Variants in NCOA2 observed in about 807,000 individuals in gnomAD.
The protein encoded by NCOA2 is nuclear receptor coactivator 2.
A neutral mutation model predicts 145.1 loss-of-function variants in NCOA2; 21 were observed. That is an observed-to-expected ratio of 0.14 (90% confidence interval 0.10 to 0.21). The LOEUF (loss-of-function observed/expected upper bound fraction) is 0.21, where lower values mean the gene tolerates loss of function less well. Ranked by LOEUF, NCOA2 falls within the 10% of genes least tolerant of loss-of-function variation. The probability of loss-of-function intolerance (pLI) is 1.00; values close to 1 mark genes in which losing one functional copy is unlikely to be tolerated. For synonymous variants in NCOA2, 619 were observed against 637.5 expected (o/e 0.97, Z 0.44); for missense variants, 1,472 against 1,837.6 (o/e 0.80, Z 3.64).
At chr8:70,255,212 T>C (rs996614809) in intron 2 of NCOA2, among the ~76,000 whole-genome samples, 13 of 152,182 alleles carry the variant, frequency 8.5e-5, no homozygotes, top group South Asian at 6.2e-4. Context: ...CAACCACCTG[T>C]TGTGTGCCCA....
intron 1 of NCOA2, among the ~76,000 whole-genome samples, chr8:70,353,173 CACCAT>C (rs1809391595): frequency 6.6e-6 from 1 of 151,900 alleles, no homozygotes. Flanking sequence ...GACAGTCTAT[CACCAT>C]TAAAGAAACC....
intron 4 of NCOA2, among the ~76,000 whole-genome samples, chr8:70,194,242 G>C (rs1817012925): frequency 6.6e-6 from 1 of 152,130 alleles, no homozygotes; most frequent in Non-Finnish European, 1.5e-5. Flanking sequence ...TTTCTAGGTG[G>C]AAGTTCAGAT....
chr8:70,203,222 C>A (rs1254892907), intron 4 of NCOA2, among the ~76,000 whole-genome samples: 1 of 143,188 alleles, frequency 7.0e-6, no homozygotes, highest in African/African-American at 2.6e-5. Flanking sequence ...GAGATCGCAC[C>A]ACTGCACTCC....
At position 70,113,332 on chromosome 8, in the gene NCOA2, T is replaced by A; in HGVS notation, c.*300A>T. 4.0e-6 allele frequency: 2 copies of A among 496,224 alleles called. No homozygotes were observed. 30.7% of individuals were successfully genotyped at this position (496,224 alleles called of 1,614,324 possible). A position where few individuals can be genotyped will look rare whatever the true frequency, so the allele number is the denominator to read the frequency against. On this transcript the variant is annotated 3_prime_UTR_variant, in exon 23 of 23. Coordinates refer to ENST00000452400, the MANE Select transcript of NCOA2 (RefSeq NM_006540.4). ...TTAAATACATTCAATCTGACATGGG[T>A]ATGAAATTTGCCTGTCAACATTTAC...
Position 70,226,236 on chromosome 8 carries a change from G to T in NCOA2, c.-19-9472C>A, listed in dbSNP as rs1349346686. ...CCTTTCATTAACACATCAGACTTTT[G>T]TGAGTTTATAATAAGAAGGAAGAGG... is the stretch of plus-strand genomic sequence containing the variant. On this transcript the variant is annotated intron_variant, in intron 2 of 22. Transcript: ENST00000452400. Among the ~76,000 whole-genome samples, 3 of 151,722 alleles carry T rather than the reference G, an allele frequency of 2.0e-5. No homozygotes were observed. The East Asian group carries it at 5.8e-4, about 29-fold the overall frequency.
intron 2 of NCOA2, among the ~76,000 whole-genome samples, chr8:70,245,973 G>A (rs554675059): frequency 2.0e-5 from 3 of 152,194 alleles, no homozygotes; most frequent in South Asian, 2.1e-4. Flanking sequence ...ATGTAGTCTT[G>A]TTAAGAATAT....
chr8:70,291,130 C>A (rs1187107264), intron 2 of NCOA2, among the ~76,000 whole-genome samples: 1 of 152,092 alleles, frequency 6.6e-6, no homozygotes, highest in Non-Finnish European at 1.5e-5. Flanking sequence ...TTGAATTGAA[C>A]CCTAAGGACC....
chr8:70,357,199 A>AC (rs1809779274), intron 1 of NCOA2: 1 of 152,136 alleles, frequency 6.6e-6, no homozygotes, highest in African/African-American at 2.4e-5. Flanking sequence ...AACACACAAA[A>AC]ACCAGTTGTG....
chr8:70,144,762 C>T lies in NCOA2; in HGVS notation c.2692G>A (p.Gly898Ser). ...PLDITLQSPT[G>S]AGPFPPIRNS... ...CTGATTGGTGGGAAAGGTCCAGCACCAGTTGGGCTTTGCAATGTGATGTCA... is the reference window on the plus strand; with the variant it reads ...CTGATTGGTGGGAAAGGTCCAGCACTAGTTGGGCTTTGCAATGTGATGTCA... The change falls in exon 13 of 23, where the codon GGT becomes AGT. Residue 898 changes from glycine (G) to serine (S), a missense_variant. Physicochemically the swap from Gly to Ser is moderately conservative, Grantham distance 56. Transcript: ENST00000452400. The T allele has an allele frequency of 6.2e-7, 1 of 1,613,932 alleles. No individual in the cohort carries two copies. Among genetic ancestry groups the T allele is most frequent in the Non-Finnish European group, 8.5e-7 (1 of 1,179,872 alleles).
chr8:70,400,170 A>T (rs983535818), intron 1 of NCOA2, among the ~76,000 whole-genome samples: 1 of 152,198 alleles, frequency 6.6e-6, no homozygotes, highest in Non-Finnish European at 1.5e-5. Context: ...TTAAAATCCA[A>T]AACATATTAA....
At chr8:70,217,308 C>A (rs1219747525) in intron 2 of NCOA2, among the ~76,000 whole-genome samples, 1 of 152,186 alleles carries the variant, frequency 6.6e-6, no homozygotes, top group Non-Finnish European at 1.5e-5. Flanking sequence ...TGCACAAGGC[C>A]TCTTAATCAA....
At chr8:70,221,276 C>A (rs190074977) in intron 2 of NCOA2, among the ~76,000 whole-genome samples, 4 of 152,306 alleles carry the variant, frequency 2.6e-5, no homozygotes, top group African/African-American at 7.2e-5. Context: ...AACTAAACTA[C>A]AGAAGGATAA....
chr8:70,220,857 T>C (rs1820074889), intron 2 of NCOA2, among the ~76,000 whole-genome samples: 3 of 152,222 alleles, frequency 2.0e-5, no homozygotes, highest in Admixed American at 1.3e-4. Flanking sequence ...AGATGCATTA[T>C]ATACAGAACA....
chr8:70,212,899 C>A (rs535024389), intron 4 of NCOA2, among the ~76,000 whole-genome samples: 1 of 151,830 alleles, frequency 6.6e-6, no homozygotes, highest in African/African-American at 2.4e-5. Context: ...CTGGCAAACA[C>A]GGTGAAACCC....
At chr8:70,310,378 G>A (rs1381835057) in intron 1 of NCOA2, among the ~76,000 whole-genome samples, 1 of 149,974 alleles carries the variant, frequency 6.7e-6, no homozygotes, top group Non-Finnish European at 1.5e-5. Flanking sequence ...ATCTCATAGA[G>A]TGACCGAGAG....
At chr8:70,161,904 T>C (rs1163621574) in intron 9 of NCOA2, among the ~76,000 whole-genome samples, 1 of 151,926 alleles carries the variant, frequency 6.6e-6, no homozygotes, top group African/African-American at 2.4e-5. Context: ...TTTTGGTTCC[T>C]ACCTCTTTAA....
At chr8:70,391,464 T>A (rs1205007857) in intron 1 of NCOA2, among the ~76,000 whole-genome samples, 1 of 152,232 alleles carries the variant, frequency 6.6e-6, no homozygotes, top group Non-Finnish European at 1.5e-5. Context: ...AAAGTTTGTC[T>A]AGGCCCAGAC....
At chr8:70,204,700 C>T (rs995213054) in intron 4 of NCOA2, among the ~76,000 whole-genome samples, 2 of 152,096 alleles carry the variant, frequency 1.3e-5, no homozygotes, top group Admixed American at 6.6e-5. Context: ...TACTCAAAAC[C>T]GCTGCAGGTG....
intron 1 of NCOA2, among the ~76,000 whole-genome samples, chr8:70,369,078 G>C (rs1810985174): frequency 6.6e-6 from 1 of 152,140 alleles, no homozygotes; most frequent in Admixed American, 6.5e-5. Flanking sequence ...CATTTCTTTA[G>C]AGTTAACAGT....
Sources: gnomAD v4.1 joint callset for allele counts (sites outside exome capture counted in the v4.1 genomes callset) on GRCh38, gnomAD v4.1.1 for gene constraint, MANE v1.5 for transcripts, NCBI Gene and HGNC (gene_info 2026-07-23, HGNC 2026-07-21) for gene names.